The following RAPGEF2 variants were observed in gnomAD, a reference collection of about 807,000 sequenced individuals.
The protein encoded by RAPGEF2 is PDZ domain containing guanine nucleotide exchange factor (GEF) 1.
A neutral mutation model predicts 186.7 loss-of-function variants in RAPGEF2; 54 were observed. The observed-to-expected ratio is 0.29, with a 90% CI of 0.23 to 0.36. The LOEUF (loss-of-function observed/expected upper bound fraction) is 0.36. Ranked by LOEUF, RAPGEF2 falls within the 10% of genes least tolerant of loss-of-function variation. The pLI, the probability that RAPGEF2 is intolerant of heterozygous loss-of-function variation, is 1.00. For missense variants in RAPGEF2, 1,532 were observed against 2,045.0 expected (o/e 0.75, Z 4.84); for synonymous variants, 712 against 705.9 (o/e 1.01, Z -0.14).
intron 3 of RAPGEF2, among the ~76,000 whole-genome samples, chr4:159,208,193 A>G (rs1466740276): frequency 6.6e-6 from 1 of 152,248 alleles, no homozygotes; most frequent in South Asian, 2.1e-4. Context: ...AGCACAGTGA[A>G]AATGATTAGG....
At chr4:159,128,122 A>C (rs754299836) in intron 1 of RAPGEF2, among the ~76,000 whole-genome samples, 5 of 152,094 alleles carry the variant, frequency 3.3e-5, no homozygotes, top group Admixed American at 6.5e-5. Context: ...TTGTTAGGAG[A>C]TACTTTAAAT....
chr4:159,108,903 A>T (rs1257512094), intron 1 of RAPGEF2, among the ~76,000 whole-genome samples: 1 of 151,966 alleles, frequency 6.6e-6, no homozygotes, highest in Non-Finnish European at 1.5e-5. Context: ...TTTTTTGTAG[A>T]GATGAGGGTC....
chr4:159,103,393 A>AGGCGGC lies in RAPGEF2; in HGVS notation c.-761_-756dup, dbSNP rs539391336. 2 of 153,344 alleles carry AGGCGGC rather than the reference A, an allele frequency of 1.3e-5. No homozygotes were observed. The highest frequency in any genetic ancestry group is 2.9e-5 in the Non-Finnish European group (2 of 69,634). 9.5% of individuals were successfully genotyped at this position (153,344 alleles called of 1,614,324 possible). A position where few individuals can be genotyped will look rare whatever the true frequency, so the allele number is the denominator to read the frequency against. Reference sequence around the variant, plus strand: ...CCGCTCCGGGCGCGCTGATGGGGGGAGGCGGCGGCGGCGGAGCCCACAGCG... The same window carrying AGGCGGC: ...CCGCTCCGGGCGCGCTGATGGGGGGAGGCGGCGGCGGCGGCGGCGGAGCCCACAGCG... On this transcript the variant is annotated 5_prime_UTR_variant, in exon 1 of 30. Coordinates refer to ENST00000691494, the MANE Select transcript of RAPGEF2 (RefSeq NM_001394067.2).
chr4:159,202,518 T>G (rs1749544913), intron 3 of RAPGEF2, among the ~76,000 whole-genome samples: 1 of 152,196 alleles, frequency 6.6e-6, no homozygotes, highest in South Asian at 2.1e-4. Flanking sequence ...CAGCATCCTT[T>G]ACCCACAGCC....
chr4:159,313,507 CTTA>C (rs1764195705), intron 8 of RAPGEF2, among the ~76,000 whole-genome samples: 3 of 151,860 alleles, frequency 2.0e-5, no homozygotes, highest in Non-Finnish European at 4.4e-5. Flanking sequence ...TTAGTGTTAC[CTTA>C]TTATTATTAT....
intron 7 of RAPGEF2, among the ~76,000 whole-genome samples, chr4:159,278,231 G>A (rs1255721283): frequency 6.6e-6 from 1 of 152,080 alleles, no homozygotes; most frequent in African/African-American, 2.4e-5. Flanking sequence ...TTTTTGTCAG[G>A]TTTGTCAAAG....
intron 7 of RAPGEF2, among the ~76,000 whole-genome samples, chr4:159,295,386 CTG>C (rs1332517192): frequency 6.6e-6 from 1 of 151,910 alleles, no homozygotes; most frequent in Non-Finnish European, 1.5e-5. Flanking sequence ...GAGTGCATGC[CTG>C]TGTGTATGCA....
intron 7 of RAPGEF2, among the ~76,000 whole-genome samples, chr4:159,301,564 G>A (rs965612194): frequency 1.3e-5 from 2 of 151,968 alleles, no homozygotes; most frequent in Non-Finnish European, 2.9e-5. Flanking sequence ...CAGATAGTGC[G>A]GAGAAAGGGA....
intron 3 of RAPGEF2, among the ~76,000 whole-genome samples, chr4:159,204,417 G>A (rs1014019576): frequency 1.3e-5 from 2 of 152,146 alleles, no homozygotes; most frequent in Admixed American, 6.5e-5. Flanking sequence ...AGGTTATGTT[G>A]AGGGGTAGTA....
chr4:159,216,260 T>C (rs956660924), intron 4 of RAPGEF2, among the ~76,000 whole-genome samples: 1 of 152,120 alleles, frequency 6.6e-6, no homozygotes, highest in Non-Finnish European at 1.5e-5. Flanking sequence ...GGCGGTTGCA[T>C]AGGAAATAGA....
At chr4:159,279,793 C>G (rs1759444320) in intron 7 of RAPGEF2, among the ~76,000 whole-genome samples, 1 of 152,062 alleles carries the variant, frequency 6.6e-6, no homozygotes, top group African/African-American at 2.4e-5. Flanking sequence ...ATTCTTCCAC[C>G]TCAGCCTCCC....
chr4:159,339,398 A>G (rs370815495), intron 19 of RAPGEF2, 44 bp downstream of exon 19: 2 of 1,581,376 alleles, frequency 1.3e-6, no homozygotes, highest in Non-Finnish European at 1.7e-6. Flanking sequence ...CCCCTCTTCG[A>G]ACCCACATCA....
chr4:159,177,891 C>T (rs1045921556), intron 1 of RAPGEF2, among the ~76,000 whole-genome samples: 19 of 152,224 alleles, frequency 1.2e-4, no homozygotes, highest in African/African-American at 4.6e-4. Flanking sequence ...CCAAGTTCCT[C>T]TCTCTGATGG....
rs539319781 is a variant in RAPGEF2 at position 159,132,969 on chromosome 4, C to T, written c.69+28738C>T. The stretch of plus-strand genomic sequence containing the variant: ...ACTTTCCTCTCCCACACCTGCCTAA[C>T]TCCCAGTTCCCTTCTGGTAGTGAGT... On this transcript the variant is annotated intron_variant, in intron 1 of 29. Coordinates refer to ENST00000691494, the MANE Select transcript of RAPGEF2 (RefSeq NM_001394067.2). Among the ~76,000 whole-genome samples the T allele has an allele frequency of 2.6e-5, 4 of 151,724 alleles. No homozygotes were observed. The East Asian group carries it at 7.7e-4, about 29-fold the overall frequency.
intron 3 of RAPGEF2, among the ~76,000 whole-genome samples, chr4:159,195,902 T>TTTTC (rs1748604868): frequency 9.8e-6 from 1 of 102,068 alleles, no homozygotes; most frequent in Non-Finnish European, 2.0e-5. Flanking sequence ...TTTTTTTTTT[T>TTTTC]TTCCCCAAGT....
chr4:159,139,803 A>G (rs1035501446), intron 1 of RAPGEF2, among the ~76,000 whole-genome samples: 14 of 152,220 alleles, frequency 9.2e-5, no homozygotes, highest in Non-Finnish European at 1.0e-4. Context: ...CATCCTGTTT[A>G]TTAAATGGAA....
chr4:159,319,487 A>G (rs1216974209), intron 9 of RAPGEF2, among the ~76,000 whole-genome samples: 1 of 151,980 alleles, frequency 6.6e-6, no homozygotes, highest in Non-Finnish European at 1.5e-5. Context: ...AAGGTTGGAG[A>G]CTGCTGCCAT....
At chr4:159,174,467 C>T (rs542338911) in intron 1 of RAPGEF2, among the ~76,000 whole-genome samples, 4 of 152,250 alleles carry the variant, frequency 2.6e-5, no homozygotes, top group African/African-American at 4.8e-5. Flanking sequence ...AATTAGAAGA[C>T]GAATGGGATA....
At chr4:159,239,001 C>A in intron 5 of RAPGEF2, 117 bp downstream of exon 5, 1 of 499,834 alleles carries the variant, frequency 2.0e-6, no homozygotes, top group Non-Finnish European at 3.2e-6. Flanking sequence ...TGTATATTTT[C>A]TATAACAGAT....
Sources: allele counts gnomAD v4.1 joint callset (sites outside exome capture counted in the v4.1 genomes callset), GRCh38; gene constraint gnomAD v4.1.1; transcripts MANE v1.5; gene names NCBI Gene and HGNC (gene_info 2026-07-23, HGNC 2026-07-21).